Variants in TNRC6C observed in about 807,000 individuals in gnomAD.
TNRC6C encodes the protein trinucleotide repeat-containing gene 6C protein.
Under a neutral mutation model 153.7 loss-of-function variants are expected in TNRC6C, and 20 were observed. The observed-to-expected ratio is 0.13, with a 90% CI of 0.09 to 0.19. TNRC6C has a LOEUF of 0.19. Ranked by LOEUF, TNRC6C falls within the 10% of genes least tolerant of loss-of-function variation. The pLI, the probability that TNRC6C is intolerant of heterozygous loss-of-function variation, is 1.00. For synonymous variants in TNRC6C, 811 were observed against 841.4 expected (o/e 0.96, Z 0.63); for missense variants, 1,987 against 2,172.0 (o/e 0.91, Z 1.69).
intron 1 of TNRC6C, among the ~76,000 whole-genome samples, chr17:77,997,571 C>T (rs1257255999): frequency 6.6e-6 from 1 of 152,148 alleles, no homozygotes; most frequent in Non-Finnish European, 1.5e-5. Context: ...TCTCATCAGG[C>T]CAGGAATCAG....
intron 3 of TNRC6C, among the ~76,000 whole-genome samples, chr17:78,062,308 G>A (rs1036017656): frequency 1.3e-4 from 19 of 150,814 alleles, no homozygotes; most frequent in African/African-American, 3.2e-4. Flanking sequence ...TTTAGGTTGC[G>A]TGTCCTTTTG....
At chr17:78,094,440 CTTTTT>C (rs199858938) in intron 16 of TNRC6C, among the ~76,000 whole-genome samples, 1 of 136,944 alleles carries the variant, frequency 7.3e-6, no homozygotes, top group Admixed American at 7.3e-5. Context: ...TCTTTTGTTT[CTTTTT>C]TTTTTTTTTT....
At chr17:78,085,963 A>AT (rs961977506) in intron 11 of TNRC6C, among the ~76,000 whole-genome samples, 2 of 151,936 alleles carry the variant, frequency 1.3e-5, no homozygotes, top group South Asian at 2.1e-4. Flanking sequence ...TGACTCTGTG[A>AT]TTTTTTTTAG....
Position 78,075,072 on chromosome 17 carries a change from C to A in TNRC6C, c.2918-64C>A. 6.3e-7 allele frequency: 1 copy of A among 1,574,940 alleles called. No individual in the cohort carries two copies. Among genetic ancestry groups the A allele is most frequent in the Non-Finnish European group, 8.6e-7 (1 of 1,157,256 alleles). ...TCCCTCCTTGAGGCCTTAGCTGGTG[C>A]CTATCTTGTGCTCAGCACTCACTTG... On this transcript the variant is annotated intron_variant, in intron 7 of 19. Coordinates refer to ENST00000301624, the Ensembl canonical transcript of TNRC6C. The surrounding 1 kb of genome is among the most constrained non-coding windows in gnomAD (Gnocchi z 4.2).
chr17:77,981,771 G>T (rs1465100565), intron 1 of TNRC6C, among the ~76,000 whole-genome samples: 1 of 152,154 alleles, frequency 6.6e-6, no homozygotes, highest in Non-Finnish European at 1.5e-5. Context: ...CGCTATGCCC[G>T]TTAGTTTACA....
At chr17:77,994,273 G>T (rs923740967) in intron 1 of TNRC6C, among the ~76,000 whole-genome samples, 1 of 152,202 alleles carries the variant, frequency 6.6e-6, no homozygotes, top group African/African-American at 2.4e-5. Flanking sequence ...TGAAACTCCT[G>T]TTATTCTCAC....
intron 16 of TNRC6C, 121 bp from the exon 19 acceptor site, chr17:78,097,624 C>T: frequency 1.6e-6 from 1 of 627,610 alleles, no homozygotes; most frequent in Admixed American, 3.4e-5. Context: ...CATGTTCAGG[C>T]TTCTATTAAA....
intron 1 of TNRC6C, among the ~76,000 whole-genome samples, chr17:78,030,574 T>TCCCC (rs1461324376): frequency 6.6e-6 from 1 of 152,208 alleles, no homozygotes; most frequent in Non-Finnish European, 1.5e-5. Context: ...ACCACTGTCA[T>TCCCC]ATATGAGTCA....
chr17:77,995,562 G>C (rs186681712), intron 1 of TNRC6C, among the ~76,000 whole-genome samples: 1 of 152,154 alleles, frequency 6.6e-6, no homozygotes, highest in Non-Finnish European at 1.5e-5. Context: ...CTTATCAGTG[G>C]TTACAGAATA....
upstream of TNRC6C, among the ~76,000 whole-genome samples, chr17:78,000,227 A>G (rs1281102987): frequency 6.6e-6 from 1 of 152,218 alleles, no homozygotes; most frequent in Non-Finnish European, 1.5e-5. Flanking sequence ...TTGTGACTCT[A>G]AATCTCAAGC....
intron 3 of TNRC6C, among the ~76,000 whole-genome samples, chr17:78,054,462 C>G (rs1022976637): frequency 6.6e-6 from 1 of 152,056 alleles, no homozygotes; most frequent in Non-Finnish European, 1.5e-5. Context: ...CTGTATACTA[C>G]TGCAGACTAC....
intron 5 of TNRC6C, among the ~76,000 whole-genome samples, chr17:78,069,407 TA>T (rs1404424145): frequency 1.3e-5 from 2 of 152,156 alleles, no homozygotes; most frequent in East Asian, 3.8e-4. Flanking sequence ...TTTTTTTATT[TA>T]AAAAAATTTT....
intron 3 of TNRC6C, among the ~76,000 whole-genome samples, chr17:78,057,153 A>G (rs1035511907): frequency 2.0e-5 from 3 of 152,230 alleles, no homozygotes; most frequent in African/African-American, 7.2e-5. Context: ...TAAGTTTAGT[A>G]TATTGTACAA....
intron 2 of TNRC6C, among the ~76,000 whole-genome samples, chr17:78,036,144 C>G (rs2072173851): frequency 1.3e-5 from 2 of 152,198 alleles, no homozygotes; most frequent in African/African-American, 4.8e-5. Flanking sequence ...TGATGAAGAG[C>G]AAAGTGAAGC....
chr17:78,005,951 T>C (rs1349689735), intron 1 of TNRC6C, among the ~76,000 whole-genome samples: 1 of 152,190 alleles, frequency 6.6e-6, no homozygotes, highest in East Asian at 1.9e-4. Flanking sequence ...AGGTTTACTA[T>C]AACTGTTATT....
Position 78,073,111 on chromosome 17 carries a change from C to G in TNRC6C, c.2917+17C>G, listed in dbSNP as rs1223751263. 1.3e-6 allele frequency: 2 copies of G among 1,548,276 alleles called. No homozygotes were observed. Among genetic ancestry groups the G allele is most frequent in the Non-Finnish European group, 1.7e-6 (2 of 1,144,660 alleles). On this transcript the variant is annotated intron_variant, in intron 7 of 19. Coordinates refer to ENST00000301624, the Ensembl canonical transcript of TNRC6C. Reference sequence around the variant, plus strand: ...AGGCCATGAGTAAGTCATACAACATCCTTTTTAAAAAGGTACCCAGCTGTG... The same window carrying G: ...AGGCCATGAGTAAGTCATACAACATGCTTTTTAAAAAGGTACCCAGCTGTG...
chr17:78,045,160 G>C (rs1034260121), intron 2 of TNRC6C, among the ~76,000 whole-genome samples: 11 of 152,172 alleles, frequency 7.2e-5, no homozygotes, highest in African/African-American at 2.7e-4. Flanking sequence ...GGGGCAGTAG[G>C]GGGCATGGGA....
intron 1 of TNRC6C, among the ~76,000 whole-genome samples, chr17:78,013,787 GA>G (rs1372819251): frequency 1.3e-5 from 2 of 152,172 alleles, no homozygotes; most frequent in Non-Finnish European, 2.9e-5. Flanking sequence ...CATCTGTAAA[GA>G]GCCTGTGGCC....
Position 78,089,841 on chromosome 17 carries a change from C to T in TNRC6C, c.3803-1599C>T, listed in dbSNP as rs556505894. ...AAGCCTTTCCAAATAAAGGGGAAGCCTCACGTAGCACAGAAGAAAGAGGCC... is the reference window on the plus strand; with the variant it reads ...AAGCCTTTCCAAATAAAGGGGAAGCTTCACGTAGCACAGAAGAAAGAGGCC... On this transcript the variant is annotated intron_variant, in intron 13 of 19. Coordinates refer to ENST00000301624, the Ensembl canonical transcript of TNRC6C. Among the ~76,000 whole-genome samples the T allele has an allele frequency of 4.6e-5, 7 of 152,230 alleles. No individual in the cohort carries two copies. The East Asian group carries it at 1.3e-3, about 29-fold the overall frequency.
Sources: allele counts gnomAD v4.1 joint callset (sites outside exome capture counted in the v4.1 genomes callset), GRCh38; gene constraint gnomAD v4.1.1; non-coding constraint Gnocchi (gnomAD v3.1); transcripts MANE v1.5; gene names NCBI Gene and HGNC (gene_info 2026-07-23, HGNC 2026-07-21).